CACNA1E: variants seen among roughly 807,000 people sequenced by gnomAD.
CACNA1E encodes calcium voltage-gated channel subunit alpha1 E, also known as voltage-dependent R-type calcium channel subunit alpha-1E.
In CACNA1E, 40 loss-of-function variants were observed where a neutral mutation model predicts 259.2. The observed-to-expected ratio is 0.15, with a 90% CI of 0.12 to 0.20. The LOEUF (loss-of-function observed/expected upper bound fraction) is 0.20, where lower values mean the gene tolerates loss of function less well. Among genes scored for constraint, CACNA1E ranks in the 10% least tolerant of loss-of-function variants. The pLI is 1.00. For synonymous variants in CACNA1E, 1,104 were observed against 1,138.5 expected (o/e 0.97, Z 0.61); for missense variants, 1,874 against 3,040.1 (o/e 0.62, Z 9.02).
intron 3 of CACNA1E, among the ~76,000 whole-genome samples, chr1:181,530,400 T>C (rs553728549): frequency 3.0e-4 from 45 of 152,304 alleles, no homozygotes; most frequent in African/African-American, 1.1e-3. Flanking sequence ...AGCACTAAAT[T>C]TGATGCTGAG....
At chr1:181,414,398 C>T (rs1658108919) in intron 2 of CACNA1E, among the ~76,000 whole-genome samples, 1 of 152,118 alleles carries the variant, frequency 6.6e-6, no homozygotes, top group African/African-American at 2.4e-5. Flanking sequence ...TGGGATTTAC[C>T]TACTTGGTTT....
chr1:181,333,040 G>A (rs932765504), intron 1 of CACNA1E, among the ~76,000 whole-genome samples: 1 of 152,132 alleles, frequency 6.6e-6, no homozygotes, highest in Admixed American at 6.5e-5. Context: ...TGCAGGTAGG[G>A]GTGTTTCCAT....
chr1:181,551,381 G>A (rs1195735278), intron 3 of CACNA1E, among the ~76,000 whole-genome samples: 4 of 152,176 alleles, frequency 2.6e-5, no homozygotes, highest in Admixed American at 2.6e-4. Flanking sequence ...TGGTGATGCA[G>A]CGTTTGGCCT....
chr1:181,549,564 T>C (rs1404130282), intron 3 of CACNA1E, among the ~76,000 whole-genome samples: 1 of 152,234 alleles, frequency 6.6e-6, no homozygotes, highest in Non-Finnish European at 1.5e-5. Flanking sequence ...ATAATGATGA[T>C]GCTGCCTCCA....
chr1:181,389,367 T>A (rs1202987617), intron 1 of CACNA1E, among the ~76,000 whole-genome samples: 3 of 152,206 alleles, frequency 2.0e-5, no homozygotes, highest in Admixed American at 6.5e-5. Flanking sequence ...GTGTTACCTG[T>A]CTGAATTCAA....
chr1:181,583,735 C>T (rs980920192), intron 6 of CACNA1E, among the ~76,000 whole-genome samples: 2 of 152,002 alleles, frequency 1.3e-5, no homozygotes, highest in African/African-American at 4.8e-5. Flanking sequence ...GTCAAGGCAA[C>T]CTGGAGTCAC....
At chr1:181,323,029 C>T (rs1435704974) in intron 1 of CACNA1E, among the ~76,000 whole-genome samples, 1 of 152,204 alleles carries the variant, frequency 6.6e-6, no homozygotes, top group Non-Finnish European at 1.5e-5. Flanking sequence ...TAGGGCTGCA[C>T]CGATGGCCAC....
At chr1:181,516,862 C>A (rs1360746562) in intron 3 of CACNA1E, among the ~76,000 whole-genome samples, 4 of 152,198 alleles carry the variant, frequency 2.6e-5, no homozygotes, top group Non-Finnish European at 5.9e-5. Context: ...GTCAGCCTTG[C>A]GTGGGAGGTG....
chr1:181,724,091 G>T (rs1654664935), intron 16 of CACNA1E, among the ~76,000 whole-genome samples: 1 of 152,158 alleles, frequency 6.6e-6, no homozygotes, highest in Non-Finnish European at 1.5e-5. Context: ...CTACCTAGGG[G>T]CTACCAGATA....
At chr1:181,371,921 G>A (rs563126910) in intron 1 of CACNA1E, among the ~76,000 whole-genome samples, 3 of 152,204 alleles carry the variant, frequency 2.0e-5, no homozygotes, top group Admixed American at 6.5e-5. Flanking sequence ...TTCTGGGTTC[G>A]TTAACCTGTT....
intron 1 of CACNA1E, among the ~76,000 whole-genome samples, chr1:181,411,430 G>A (rs1254713823): frequency 6.6e-6 from 1 of 152,098 alleles, no homozygotes. Context: ...GAGGAGAGAG[G>A]AGTGACCAGG....
At chr1:181,394,240 C>A (rs538027866) in intron 1 of CACNA1E, among the ~76,000 whole-genome samples, 1 of 152,278 alleles carries the variant, frequency 6.6e-6, no homozygotes, top group African/African-American at 2.4e-5. Flanking sequence ...CTTTTGGAAA[C>A]CACTTAACTT....
chr1:181,789,809 C>T (rs1286396058), intron 43 of CACNA1E, among the ~76,000 whole-genome samples: 1 of 152,230 alleles, frequency 6.6e-6, no homozygotes, highest in Non-Finnish European at 1.5e-5. Flanking sequence ...ACTGGGCAGA[C>T]TTTGTCTCCA....
intron 3 of CACNA1E, among the ~76,000 whole-genome samples, chr1:181,555,712 A>G (rs540589946): frequency 1.3e-5 from 2 of 152,290 alleles, no homozygotes; most frequent in Admixed American, 6.5e-5. Flanking sequence ...GTGATCCACT[A>G]TGTTGTAAGG....
At chr1:181,432,443 AAAAT>A (rs901473888) in intron 2 of CACNA1E, among the ~76,000 whole-genome samples, 32 of 152,240 alleles carry the variant, frequency 2.1e-4, no homozygotes, top group African/African-American at 5.8e-4. Context: ...AAGTATAATA[AAAAT>A]AAATAAATAA....
intron 23 of CACNA1E, among the ~76,000 whole-genome samples, chr1:181,738,058 T>TC (rs1303778661): frequency 1.2e-4 from 19 of 152,270 alleles, no homozygotes; most frequent in Non-Finnish European, 1.0e-4. Flanking sequence ...GGATTTCAGG[T>TC]CCCGAGCCTG....
chr1:181,708,492 C>T (rs913128250), intron 7 of CACNA1E, among the ~76,000 whole-genome samples: 13 of 152,154 alleles, frequency 8.5e-5, no homozygotes, highest in Admixed American at 3.9e-4. Flanking sequence ...CATGTTCCTC[C>T]GGTCGTAGCC....
chr1:181,676,923 C>T (rs1182911467), intron 7 of CACNA1E, among the ~76,000 whole-genome samples: 1 of 152,190 alleles, frequency 6.6e-6, no homozygotes. Context: ...GGTGGAAGAA[C>T]TTCCTCCAGA....
chr1:181,446,203 C>T (rs577172276), intron 2 of CACNA1E, among the ~76,000 whole-genome samples: 1 of 152,198 alleles, frequency 6.6e-6, no homozygotes, highest in Non-Finnish European at 1.5e-5. Context: ...GTGGCAGGGG[C>T]CATTGTTCTG....
Sources: allele counts gnomAD v4.1 joint callset (sites outside exome capture counted in the v4.1 genomes callset), GRCh38; gene constraint gnomAD v4.1.1; transcripts MANE v1.5; gene names NCBI Gene and HGNC (gene_info 2026-07-23, HGNC 2026-07-21).